The following MYOM2 variants were observed in gnomAD, a reference collection of about 807,000 sequenced individuals.
MYOM2 encodes myomesin 2, also known as myomesin-2.
MYOM2 carries 254 observed loss-of-function variants against 187.6 expected under a neutral mutation model. That is an observed-to-expected ratio of 1.35 (90% CI 1.22 to 1.50). MYOM2 has a LOEUF of 1.50. Among genes scored for constraint, MYOM2 ranks in the 40% most tolerant of loss-of-function variants. The probability of loss-of-function intolerance (pLI) is 0.00; values close to 1 mark genes in which losing one functional copy is unlikely to be tolerated. For missense variants in MYOM2, 2,796 were observed against 1,924.0 expected, an observed-to-expected ratio of 1.45 and a Z score of -8.48; for synonymous variants, 981 against 753.8, an observed-to-expected ratio of 1.30 and a Z score of -4.94.
At chr8:2,072,300 G>C (rs562471860) in intron 8 of MYOM2, 45 bp from the exon 9 acceptor site, 1 of 1,551,054 alleles carries the variant, frequency 6.4e-7, no homozygotes, top group Non-Finnish European at 8.7e-7. Flanking sequence ...ATCGTTTCAT[G>C]CTCTCTGCCC....
intron 14 of MYOM2, among the ~76,000 whole-genome samples, 200 bp downstream of exon 14, chr8:2,085,590 TGGC>T (rs1819832573): frequency 8.2e-5 from 1 of 12,174 alleles, no homozygotes; most frequent in Admixed American, 1.0e-3. Flanking sequence ...GATCTCTGCG[TGGC>T]CCCACTGTCG....
chr8:2,050,128 C>T (rs1213215463), intron 1 of MYOM2, among the ~76,000 whole-genome samples: 1 of 152,168 alleles, frequency 6.6e-6, no homozygotes, highest in African/African-American at 2.4e-5. Flanking sequence ...CCGCTTGTGG[C>T]TGCGTCTTTC....
At chr8:2,110,984 C>T (rs191172072) in intron 25 of MYOM2, among the ~76,000 whole-genome samples, 142 of 152,306 alleles carry the variant, frequency 9.3e-4, no homozygotes, top group African/African-American at 3.2e-3. Context: ...GCAAAAAAGC[C>T]AGTGGTATAA....
At chr8:2,086,709 C>G (rs549638140) in intron 14 of MYOM2, among the ~76,000 whole-genome samples, 28 of 152,366 alleles carry the variant, frequency 1.8e-4, no homozygotes, top group African/African-American at 6.7e-4. Context: ...CAGGGAGTCG[C>G]TTCCCTCTCT....
chr8:2,097,489 G>A (rs1162665355), intron 18 of MYOM2, among the ~76,000 whole-genome samples: 3 of 152,074 alleles, frequency 2.0e-5, no homozygotes, highest in African/African-American at 7.2e-5. Context: ...TTTTTGCAGT[G>A]AGAACATTTA....
At chr8:2,120,680 T>TATATATATGTATATA in intron 28 of MYOM2, among the ~76,000 whole-genome samples, 1 of 48,300 alleles carries the variant, frequency 2.1e-5, no homozygotes, top group African/African-American at 6.6e-5. Context: ...ATATATTATA[T>TATATATATGTATATA]TATATATAAA....
At chr8:2,139,219 C>G (rs1278330631) in intron 32 of MYOM2, among the ~76,000 whole-genome samples, 1 of 152,230 alleles carries the variant, frequency 6.6e-6, no homozygotes, top group African/African-American at 2.4e-5. Context: ...CAGCTCACTG[C>G]AGCCTTGACC....
Position 2,132,479 on chromosome 8 carries a change from G to A in MYOM2, c.3800+3247G>A, listed in dbSNP as rs560559331. On this transcript the variant is annotated intron_variant, in intron 32 of 36. Transcript: ENST00000262113. ...ATTTTGTTCTCTTACTGAAAGGTGA[G>A]ATTAATATATCATCTAGACATGGCT... is the stretch of plus-strand genomic sequence containing the variant. Among the ~76,000 whole-genome samples the A allele has an allele frequency of 2.9e-4, 44 of 152,312 alleles. 1 individual carries two copies. Among genetic ancestry groups the A allele is most frequent in the Non-Finnish European group, 4.9e-4 (33 of 68,018 alleles).
At chr8:2,136,390 T>A (rs73657768) in intron 32 of MYOM2, among the ~76,000 whole-genome samples, 2 of 151,992 alleles carry the variant, frequency 1.3e-5, no homozygotes, top group Admixed American at 1.3e-4. Flanking sequence ...GTGCCAGAAG[T>A]GCACCAAGTG....
At chr8:2,058,153 G>A (rs978080017) in intron 5 of MYOM2, among the ~76,000 whole-genome samples, 1 of 151,606 alleles carries the variant, frequency 6.6e-6, no homozygotes, top group South Asian at 2.1e-4. Flanking sequence ...TGAGTAGCTG[G>A]GACCACAGGT....
intron 10 of MYOM2, among the ~76,000 whole-genome samples, chr8:2,074,287 C>G (rs1428716850): frequency 1.3e-5 from 2 of 152,094 alleles, no homozygotes; most frequent in African/African-American, 4.8e-5. Context: ...TCTCAGTTTT[C>G]CAGATGAATC....
Position 2,092,367 on chromosome 8 carries a change from G to T in MYOM2, c.1850G>T (p.Arg617Leu). 1 of 1,613,968 alleles carries T rather than the reference G, an allele frequency of 6.2e-7. No individual in the cohort carries two copies. Among genetic ancestry groups the T allele is most frequent in the Non-Finnish European group, 8.5e-7 (1 of 1,179,974 alleles). ...AAAGTTGTCCCTTCTGCTCCGGGTC[G>T]GGTTCTTGCTTCCCGAAACACCAAG... Reference protein sequence around the residue: ...DVTVVPSAPGRVLASRNTKTS... With the variant: ...DVTVVPSAPGLVLASRNTKTS... The change falls in exon 16 of 37, where the codon CGG becomes CTG. Residue 617 changes from arginine to leucine, a missense_variant. Coordinates refer to ENST00000262113, the MANE Select transcript of MYOM2 (RefSeq NM_003970.4).
chr8:2,064,438 G>A (rs1487061424), intron 6 of MYOM2, among the ~76,000 whole-genome samples: 1 of 152,220 alleles, frequency 6.6e-6, no homozygotes, highest in Non-Finnish European at 1.5e-5. Flanking sequence ...CATGGAGTGG[G>A]GCCACCGCCG....
chr8:2,101,470 C>T (rs1395348776), intron 20 of MYOM2, among the ~76,000 whole-genome samples: 1 of 152,264 alleles, frequency 6.6e-6, no homozygotes, highest in Non-Finnish European at 1.5e-5. Flanking sequence ...CAAGCCAGCA[C>T]CGAGCCCCGA....
chr8:2,057,319 C>A, intron 3 of MYOM2, 29 bp from the exon 4 acceptor site: 1 of 1,582,936 alleles, frequency 6.3e-7, no homozygotes. Flanking sequence ...GTGACTCCTG[C>A]AACTGAGGCT....
chr8:2,061,198 G>C (rs1322703045), intron 6 of MYOM2, among the ~76,000 whole-genome samples: 4 of 151,884 alleles, frequency 2.6e-5, no homozygotes, highest in African/African-American at 7.3e-5. Context: ...GGGGGTCTCT[G>C]TCCCCATCCA....
rs78434363 is a variant in MYOM2 at position 2,077,454 on chromosome 8, T to C, written c.1262+1172T>C. On this transcript the variant is annotated intron_variant, in intron 11 of 36. Transcript: ENST00000262113. ...TAGGAAAAAATGAGGGAATTGGCTT[T>C]TGTTTGTTTGTTTGTTTATGCTGAT... Among the ~76,000 whole-genome samples the C allele has an allele frequency of 9.3e-3, 1,410 of 152,162 alleles. 29 individuals are homozygous for C. Among genetic ancestry groups the C allele is most frequent in the African/African-American group, 0.032 (1,329 of 41,476 alleles).
Position 2,142,390 on chromosome 8 carries a change from A to C in MYOM2, c.4017A>C (p.Ala1339=). ...TAACTTTTAGAGCTGCTGCTTTTGC[A>C]GAGAAGAGTAAGTACCTGTTGGATT... is the stretch of plus-strand genomic sequence containing the variant. ...EFQQFKAAAF[A]EKNRGRLIGG... is the part of the protein sequence containing the mutation. The change falls in exon 35 of 37, where the codon GCA becomes GCC. Residue 1339 remains alanine (A), a synonymous_variant. Coordinates refer to ENST00000262113, the MANE Select transcript of MYOM2 (RefSeq NM_003970.4). 1 of 1,613,788 alleles carries C rather than the reference A, an allele frequency of 6.2e-7. No individual in the cohort carries two copies.
At chr8:2,106,458 G>T in intron 22 of MYOM2, 33 bp from the exon 23 acceptor site, 2 of 1,610,238 alleles carry the variant, frequency 1.2e-6, no homozygotes, top group Non-Finnish European at 1.7e-6. Context: ...AAACAGAAAT[G>T]ATCGACATTC....
Sources: gnomAD v4.1 joint callset for allele counts (sites outside exome capture counted in the v4.1 genomes callset) on GRCh38, gnomAD v4.1.1 for gene constraint, MANE v1.5 for transcripts, NCBI Gene and HGNC (gene_info 2026-07-23, HGNC 2026-07-21) for gene names.